Variants in NME7 observed in about 807,000 individuals in gnomAD.
NME7 encodes nucleoside diphosphate kinase 7.
A neutral mutation model predicts 49.1 loss-of-function variants in NME7; 41 were observed. The ratio of observed to expected loss-of-function variants is 0.83; its 90% CI spans 0.65 to 1.08. NME7 has a LOEUF of 1.08. Ranked by LOEUF, NME7 falls within the 50% of genes least tolerant of loss-of-function variation. NME7 has a pLI of 0.00. For missense variants in NME7, 423 were observed against 463.4 expected, an observed-to-expected ratio of 0.91 and a Z score of 0.80; for synonymous variants, 139 against 150.6, an observed-to-expected ratio of 0.92 and a Z score of 0.56.
intron 10 of NME7, among the ~76,000 whole-genome samples, chr1:169,217,792 T>G (rs1351402290): frequency 6.6e-6 from 1 of 152,216 alleles, no homozygotes; most frequent in Non-Finnish European, 1.5e-5. Context: ...TTGCATGGTG[T>G]AGCCTTTTTG....
rs114748768 is a variant in NME7, at chr1:169,153,604, C to T, written c.1098+15843G>A. 1.8e-3 allele frequency among the ~76,000 whole-genome samples: 274 copies of T among 152,282 alleles called. 2 individuals are homozygous for T. The highest frequency in any genetic ancestry group is 6.4e-3 in the African/African-American group (265 of 41,536). On this transcript the variant is annotated intron_variant, in intron 11 of 11. Coordinates refer to ENST00000367811, the MANE Select transcript of NME7 (RefSeq NM_013330.5). Reference sequence around the variant, plus strand: ...ATACTTACTGTTTCTAACACTTCATCATACACTATCTGGTAACATTCTCTT... The same window carrying T: ...ATACTTACTGTTTCTAACACTTCATTATACACTATCTGGTAACATTCTCTT...
intron 10 of NME7, among the ~76,000 whole-genome samples, chr1:169,176,505 T>C (rs1659754317): frequency 6.6e-6 from 1 of 152,110 alleles, no homozygotes; most frequent in Non-Finnish European, 1.5e-5. Flanking sequence ...GTAATGTAAA[T>C]TTATAGAACC....
At chr1:169,195,247 C>T (rs1161075142) in intron 10 of NME7, among the ~76,000 whole-genome samples, 1 of 151,986 alleles carries the variant, frequency 6.6e-6, no homozygotes, top group East Asian at 1.9e-4. Context: ...ATTTTAGAGA[C>T]AACAATCTTG....
intron 10 of NME7, among the ~76,000 whole-genome samples, chr1:169,204,623 C>T (rs938451525): frequency 5.3e-5 from 8 of 152,116 alleles, no homozygotes; most frequent in African/African-American, 1.7e-4. Context: ...GGAAACCTTA[C>T]GCACTTACTC....
intron 11 of NME7, among the ~76,000 whole-genome samples, chr1:169,140,142 C>G (rs898021777): frequency 6.6e-6 from 1 of 151,784 alleles, no homozygotes; most frequent in Non-Finnish European, 1.5e-5. Flanking sequence ...TTCATATGTA[C>G]AGAAAGACAG....
At chr1:169,279,232 C>A (rs1015374915) in intron 7 of NME7, among the ~76,000 whole-genome samples, 4 of 152,212 alleles carry the variant, frequency 2.6e-5, no homozygotes, top group Non-Finnish European at 5.9e-5. Flanking sequence ...CAGACAGGGA[C>A]ATTTAAGTCT....
intron 10 of NME7, among the ~76,000 whole-genome samples, chr1:169,196,124 T>G (rs983051962): frequency 1.3e-5 from 2 of 152,192 alleles, no homozygotes; most frequent in Non-Finnish European, 2.9e-5. Context: ...TGGATGGTGT[T>G]TCATTGTTGT....
intron 10 of NME7, among the ~76,000 whole-genome samples, chr1:169,203,353 C>T (rs755686458): frequency 1.1e-4 from 16 of 152,072 alleles, no homozygotes; most frequent in Admixed American, 4.6e-4. Context: ...TGTCAGAGAG[C>T]TTTCTTCTTG....
intron 1 of NME7, among the ~76,000 whole-genome samples, chr1:169,341,475 G>A (rs1434788096): frequency 3.3e-5 from 5 of 152,212 alleles, no homozygotes; most frequent in African/African-American, 1.2e-4. Context: ...GAGGGAAAAT[G>A]TGGGGTCAGG....
chr1:169,259,931 C>T (rs1328967170), intron 7 of NME7, among the ~76,000 whole-genome samples: 1 of 132,940 alleles, frequency 7.5e-6, no homozygotes, highest in Non-Finnish European at 1.8e-5. Context: ...AATTGAAATC[C>T]TTAATATTAT....
At chr1:169,219,063 T>C (rs1661063197) in intron 10 of NME7, among the ~76,000 whole-genome samples, 1 of 152,158 alleles carries the variant, frequency 6.6e-6, no homozygotes, top group Non-Finnish European at 1.5e-5. Flanking sequence ...TTTCCTTCTT[T>C]GCCAAGCCAA....
rs970427546 is a variant in NME7 at position 169,322,289 on chromosome 1, A to G, written c.278+828T>C. On this transcript the variant is annotated intron_variant, in intron 3 of 11. Coordinates refer to ENST00000367811, the MANE Select transcript of NME7 (RefSeq NM_013330.5). ...AAAGAATGATGAATGCAGCTTTGAC[A>G]AACAATAGAGAGAAGAACAGGGACA... The G allele has an allele frequency of 2.0e-5, 3 of 152,158 alleles. No homozygotes were observed. The East Asian group carries it at 5.8e-4, about 29-fold the overall frequency. The allele number at this position is 152,158 out of a possible 1,614,324, so 9.4% of individuals were successfully genotyped here. A position where few individuals can be genotyped will look rare whatever the true frequency, so the allele number is the denominator to read the frequency against.
chr1:169,177,301 G>A (rs922112215), intron 10 of NME7, among the ~76,000 whole-genome samples: 1 of 151,982 alleles, frequency 6.6e-6, no homozygotes, highest in Non-Finnish European at 1.5e-5. Flanking sequence ...ATCCACTCTA[G>A]CACCATATTC....
intron 3 of NME7, among the ~76,000 whole-genome samples, chr1:169,316,297 T>C (rs1207722366): frequency 6.6e-6 from 1 of 152,130 alleles, no homozygotes; most frequent in East Asian, 1.9e-4. Context: ...AGAGCTAAAG[T>C]GTCCTAATCT....
At chr1:169,185,578 T>G (rs1361671525) in intron 10 of NME7, among the ~76,000 whole-genome samples, 2 of 152,168 alleles carry the variant, frequency 1.3e-5, no homozygotes, top group Non-Finnish European at 2.9e-5. Context: ...AATGAAACTC[T>G]AAGACTCTAG....
chr1:169,195,810 C>CA, intron 10 of NME7, among the ~76,000 whole-genome samples: 1 of 152,122 alleles, frequency 6.6e-6, no homozygotes. Flanking sequence ...AGTGAAAAAC[C>CA]AAAAATCCTT....
intron 6 of NME7, among the ~76,000 whole-genome samples, chr1:169,290,608 A>AGACTTCAT (rs1353920718): frequency 6.6e-6 from 1 of 152,188 alleles, no homozygotes; most frequent in Non-Finnish European, 1.5e-5. Flanking sequence ...GCATAGGCAA[A>AGACTTCAT]GACTTCATGA....
intron 11 of NME7, among the ~76,000 whole-genome samples, chr1:169,154,979 T>A (rs182108810): frequency 0.018 from 2,682 of 150,624 alleles, 68 homozygotes; most frequent in African/African-American, 0.044. Flanking sequence ...TTTAAAAAAA[T>A]TTTTTTTTAA....
At chr1:169,276,999 T>C (rs1373660702) in intron 7 of NME7, among the ~76,000 whole-genome samples, 4 of 150,568 alleles carry the variant, frequency 2.7e-5, no homozygotes, top group Non-Finnish European at 1.5e-5. Context: ...TGAGTGGTTT[T>C]GAGTGAGTTT....
Sources: gnomAD v4.1 joint callset for allele counts (sites outside exome capture counted in the v4.1 genomes callset) on GRCh38, gnomAD v4.1.1 for gene constraint, MANE v1.5 for transcripts, NCBI Gene and HGNC (gene_info 2026-07-23, HGNC 2026-07-21) for gene names.